Variants in DOK6 observed in about 807,000 individuals in gnomAD.
DOK6 encodes the protein downstream of tyrosine kinase 6.
Under a neutral mutation model 44.0 loss-of-function variants are expected in DOK6, and 22 were observed. The ratio of observed to expected loss-of-function variants is 0.50; its 90% CI spans 0.36 to 0.71. The LOEUF is 0.71. DOK6 is among the 30% of genes least tolerant of loss of function. The pLI is 0.00. For synonymous variants in DOK6, 166 were observed against 145.5 expected (o/e 1.14, Z -1.01); for missense variants, 340 against 416.4 (o/e 0.82, Z 1.60).
chr18:69,484,306 T>G (rs182179813), intron 1 of DOK6, among the ~76,000 whole-genome samples: 1 of 150,736 alleles, frequency 6.6e-6, no homozygotes, highest in Admixed American at 6.6e-5. Context: ...AAGATACTTA[T>G]TTTATAGAAG....
chr18:69,471,695 T>C (rs1450346073), intron 1 of DOK6: 1 of 151,924 alleles, frequency 6.6e-6, no homozygotes, highest in Non-Finnish European at 1.5e-5. Context: ...TCTGGTGATA[T>C]TACAGCTGAA....
At chr18:69,426,243 C>A (rs1169656608) in intron 1 of DOK6, among the ~76,000 whole-genome samples, 1 of 152,074 alleles carries the variant, frequency 6.6e-6, no homozygotes, top group Non-Finnish European at 1.5e-5. Flanking sequence ...CACTGCTATT[C>A]CTCCCCATAT....
In DOK6 at chr18:69,774,120, G is replaced by GATATATATATGAGATATATATAT. The variant is rs1307877932; in HGVS notation, c.856+16258_856+16280dup. 1.1e-3 allele frequency among the ~76,000 whole-genome samples: 28 copies of GATATATATATGAGATATATATAT among 26,510 alleles called. 1 individual carries two copies. The highest frequency in any genetic ancestry group is 4.8e-3 in the Non-Finnish European group (25 of 5,248). 17.4% of individuals were successfully genotyped at this position (26,510 alleles called of 152,430 possible). On this transcript the variant is annotated intron_variant, in intron 7 of 7. Transcript: ENST00000382713. Reference sequence around the variant, plus strand: ...TATATATATGAGATAGATTTATATAGATATATATATGAGATATATATATAT... The same window carrying GATATATATATGAGATATATATAT: ...TATATATATGAGATAGATTTATATAGATATATATATGAGATATATATATATATATATATGAGATATATATATAT...
intron 2 of DOK6, among the ~76,000 whole-genome samples, chr18:69,598,868 G>A (rs758949972): frequency 3.3e-5 from 5 of 152,070 alleles, no homozygotes; most frequent in South Asian, 2.1e-4. Flanking sequence ...TGAACACTAT[G>A]AGCATTTTTC....
intron 7 of DOK6, among the ~76,000 whole-genome samples, chr18:69,826,489 G>T (rs72953837): frequency 0.26 from 39,253 of 151,888 alleles, 5,098 homozygotes; most frequent in Non-Finnish European, 0.27. Context: ...TTTTATTGCT[G>T]CCCACTGGCA....
intron 1 of DOK6, among the ~76,000 whole-genome samples, chr18:69,486,591 T>C (rs1980582963): frequency 6.6e-6 from 1 of 152,196 alleles, no homozygotes; most frequent in African/African-American, 2.4e-5. Context: ...TTGATCAAAT[T>C]GTAATGCCAG....
At chr18:69,599,359 A>G in intron 2 of DOK6, 25 bp from the exon 3 acceptor site, 1 of 1,556,196 alleles carries the variant, frequency 6.4e-7, no homozygotes, top group Non-Finnish European at 8.8e-7. Flanking sequence ...CTGTACACTA[A>G]GTTAAATATA....
chr18:69,416,209 G>C (rs1436324781), intron 1 of DOK6, among the ~76,000 whole-genome samples: 3 of 146,778 alleles, frequency 2.0e-5, no homozygotes, highest in Admixed American at 1.4e-4. Flanking sequence ...AAGGAAGGAA[G>C]GAACGAAGGA....
chr18:69,781,175 A>T (rs1187001501), intron 7 of DOK6: 1 of 152,152 alleles, frequency 6.6e-6, no homozygotes, highest in Non-Finnish European at 1.5e-5. Context: ...TTTTTTCTAG[A>T]CTTCATCTGC....
intron 4 of DOK6, among the ~76,000 whole-genome samples, chr18:69,695,786 AAAATAT>A (rs534514771): frequency 6.5e-4 from 99 of 152,368 alleles, no homozygotes; most frequent in African/African-American, 2.2e-3. Context: ...TTGAAAATTG[AAAATAT>A]AAATATAATC....
chr18:69,514,838 TA>T (rs1364550554), intron 1 of DOK6, among the ~76,000 whole-genome samples: 1 of 91,550 alleles, frequency 1.1e-5, no homozygotes, highest in East Asian at 2.2e-4. Context: ...TCTCCATATA[TA>T]TTTTTTTTTT....
intron 6 of DOK6, among the ~76,000 whole-genome samples, chr18:69,743,687 CT>C (rs1978878317): frequency 6.6e-6 from 1 of 151,078 alleles, no homozygotes; most frequent in South Asian, 2.1e-4. Context: ...TTTTTTTTTT[CT>C]GCTATATCCA....
intron 1 of DOK6, among the ~76,000 whole-genome samples, chr18:69,466,053 T>G (rs1979917079): frequency 1.3e-5 from 2 of 152,198 alleles, no homozygotes; most frequent in Non-Finnish European, 2.9e-5. Flanking sequence ...GTTTTAGCAT[T>G]TGGTAAGTAT....
At chr18:69,751,213 T>C (rs1289001237) in intron 6 of DOK6, among the ~76,000 whole-genome samples, 1 of 152,220 alleles carries the variant, frequency 6.6e-6, no homozygotes, top group Non-Finnish European at 1.5e-5. Flanking sequence ...TTAGTAATGC[T>C]GTATTGTACA....
At chr18:69,568,453 T>TG (rs563026630) in intron 2 of DOK6, among the ~76,000 whole-genome samples, 128 of 152,338 alleles carry the variant, frequency 8.4e-4, no homozygotes, top group Middle Eastern at 3.4e-3. Context: ...GCTAGTCATT[T>TG]TGGAGGAAAG....
At chr18:69,726,716 G>T (rs940404651) in intron 5 of DOK6, among the ~76,000 whole-genome samples, 1 of 151,920 alleles carries the variant, frequency 6.6e-6, no homozygotes, top group African/African-American at 2.4e-5. Context: ...GTGGCTGAGA[G>T]GCCTAAGAGC....
At chr18:69,722,828 G>A (rs776057294) in intron 5 of DOK6, among the ~76,000 whole-genome samples, 1 of 152,054 alleles carries the variant, frequency 6.6e-6, no homozygotes, top group Non-Finnish European at 1.5e-5. Flanking sequence ...AGGATCCTGA[G>A]GGAATAGATA....
intron 1 of DOK6, among the ~76,000 whole-genome samples, chr18:69,546,192 G>C (rs1174877081): frequency 6.6e-6 from 1 of 150,382 alleles, no homozygotes; most frequent in African/African-American, 2.4e-5. Flanking sequence ...CAGAAGAATC[G>C]CTTGAACCTG....
intron 1 of DOK6, among the ~76,000 whole-genome samples, chr18:69,499,508 T>A (rs1388416424): frequency 6.6e-6 from 1 of 152,180 alleles, no homozygotes; most frequent in African/African-American, 2.4e-5. Flanking sequence ...TTTCTCTGTT[T>A]TAAAATTTTA....
Sources: gnomAD v4.1 joint callset for allele counts (sites outside exome capture counted in the v4.1 genomes callset) on GRCh38, gnomAD v4.1.1 for gene constraint, MANE v1.5 for transcripts, NCBI Gene and HGNC (gene_info 2026-07-23, HGNC 2026-07-21) for gene names.